TP63: variants seen among roughly 807,000 people sequenced by gnomAD.
TP63 encodes the protein tumor protein 63.
Under a neutral mutation model 82.8 loss-of-function variants are expected in TP63, and 17 were observed. The ratio of observed to expected loss-of-function variants is 0.21; its 90% CI spans 0.14 to 0.31. The LOEUF is 0.31. Ranked by LOEUF, TP63 falls within the 10% of genes least tolerant of loss-of-function variation. The pLI, the probability that TP63 is intolerant of heterozygous loss-of-function variation, is 1.00. For missense variants in TP63, 648 were observed against 895.3 expected (o/e 0.72, Z 3.52); for synonymous variants, 330 against 321.7 (o/e 1.03, Z -0.28).
intron 4 of TP63, among the ~76,000 whole-genome samples, chr3:189,822,362 C>T (rs1728882850): frequency 1.3e-5 from 2 of 152,094 alleles, no homozygotes; most frequent in Admixed American, 1.3e-4. Flanking sequence ...AAAACTTTTA[C>T]CCCAATTAAG....
intron 3 of TP63, among the ~76,000 whole-genome samples, chr3:189,774,967 C>T (rs1402172734): frequency 6.6e-6 from 1 of 152,084 alleles, no homozygotes; most frequent in Non-Finnish European, 1.5e-5. Flanking sequence ...CCTGTAATCC[C>T]AGCACTTTGG....
intron 3 of TP63, among the ~76,000 whole-genome samples, chr3:189,778,970 G>C (rs1045728988): frequency 6.6e-6 from 1 of 152,106 alleles, no homozygotes; most frequent in Non-Finnish European, 1.5e-5. Context: ...GCTGAAGCCA[G>C]CTTTCCCATA....
intron 1 of TP63, among the ~76,000 whole-genome samples, chr3:189,665,295 T>A (rs1474608086): frequency 6.6e-6 from 1 of 152,138 alleles, no homozygotes; most frequent in Admixed American, 6.6e-5. Flanking sequence ...ATCCAGTTGT[T>A]AAACATGTGT....
At chr3:189,809,500 A>G (rs1217008063) in intron 4 of TP63, among the ~76,000 whole-genome samples, 1 of 150,046 alleles carries the variant, frequency 6.7e-6, no homozygotes, top group African/African-American at 2.5e-5. Context: ...CCAAAGTGGT[A>G]TGTTTGTCAA....
chr3:189,679,845 A>G (rs1012065835), intron 1 of TP63, among the ~76,000 whole-genome samples: 10 of 152,238 alleles, frequency 6.6e-5, no homozygotes, highest in South Asian at 2.1e-4. Context: ...TGGATATTCA[A>G]TTTTTTTCAA....
intron 1 of TP63, among the ~76,000 whole-genome samples, chr3:189,690,720 T>C (rs1716848930): frequency 6.6e-6 from 1 of 152,216 alleles, no homozygotes; most frequent in Non-Finnish European, 1.5e-5. Context: ...GCTGTTTTGT[T>C]CCTCATTCAA....
intron 1 of TP63, among the ~76,000 whole-genome samples, chr3:189,691,353 A>AG (rs982012515): frequency 2.7e-5 from 4 of 147,120 alleles, no homozygotes; most frequent in Non-Finnish European, 5.9e-5. Flanking sequence ...AAAAAAAAAA[A>AG]AAAAAAAGAA....
chr3:189,697,697 C>T (rs180733709), intron 1 of TP63, among the ~76,000 whole-genome samples: 164 of 152,094 alleles, frequency 1.1e-3, no homozygotes, highest in Non-Finnish European at 1.7e-3. Context: ...CAAAACATAT[C>T]TCTATTTATT....
intron 1 of TP63, among the ~76,000 whole-genome samples, chr3:189,710,854 G>A (rs1718542832): frequency 6.6e-6 from 1 of 152,096 alleles, no homozygotes. Context: ...AAATAGTGAT[G>A]TCTACAAATC....
At chr3:189,890,204 C>T (rs1320439487) in intron 12 of TP63, among the ~76,000 whole-genome samples, 2 of 152,148 alleles carry the variant, frequency 1.3e-5, no homozygotes, top group African/African-American at 2.4e-5. Flanking sequence ...ACAGGGATGG[C>T]AAAGTGCGTG....
At chr3:189,759,062 G>T (rs1722384670) in intron 3 of TP63, among the ~76,000 whole-genome samples, 1 of 152,198 alleles carries the variant, frequency 6.6e-6, no homozygotes, top group Admixed American at 6.5e-5. Context: ...CTTTGCAGTT[G>T]AGCACACCAA....
chr3:189,729,921 T>C (rs1316196358), intron 1 of TP63, among the ~76,000 whole-genome samples: 2 of 152,166 alleles, frequency 1.3e-5, no homozygotes, highest in African/African-American at 4.8e-5. Flanking sequence ...AAACTAAGTA[T>C]GATGATTAAT....
chr3:189,832,123 C>T (rs967847305), intron 4 of TP63, among the ~76,000 whole-genome samples: 4 of 152,086 alleles, frequency 2.6e-5, no homozygotes, highest in Non-Finnish European at 5.9e-5. Context: ...ATCCACCACG[C>T]CCAGCACTAT....
Position 189,896,257 on chromosome 3 carries a change from G to C in TP63, c.*1755G>C, listed in dbSNP as rs185247541. On this transcript the variant is annotated 3_prime_UTR_variant, in exon 14 of 14. Coordinates refer to ENST00000264731, the MANE Select transcript of TP63 (RefSeq NM_003722.5). ...CCTCTGAAAAGTGTGTATATATTTT[G>C]TGTGAAATTGCATACTTTGTATTTT... 1.8e-5 allele frequency: 4 copies of C among 218,964 alleles called. No individual in the cohort carries two copies. The East Asian group carries it at 2.7e-4, about 15-fold the overall frequency. The allele number at this position is 218,964 out of a possible 1,614,324, so 13.6% of individuals were successfully genotyped here. A position where few individuals can be genotyped will look rare whatever the true frequency, so the allele number is the denominator to read the frequency against.
intron 1 of TP63, among the ~76,000 whole-genome samples, chr3:189,645,742 G>A (rs1019517030): frequency 2.1e-5 from 3 of 146,272 alleles, no homozygotes; most frequent in Admixed American, 6.7e-5. Flanking sequence ...ACCTATGAGT[G>A]AGAACATGCA....
intron 13 of TP63, among the ~76,000 whole-genome samples, chr3:189,891,129 C>T (rs1428714897): frequency 6.6e-6 from 1 of 152,162 alleles, no homozygotes; most frequent in African/African-American, 2.4e-5. Flanking sequence ...TGCACTTACA[C>T]TATTCTCAAG....
intron 4 of TP63, among the ~76,000 whole-genome samples, chr3:189,848,809 G>A (rs527910835): frequency 4.6e-5 from 7 of 152,252 alleles, no homozygotes; most frequent in South Asian, 2.1e-4. Context: ...CATGAAATAC[G>A]TATTTGGACT....
chr3:189,838,024 A>G (rs534557108), intron 4 of TP63, among the ~76,000 whole-genome samples: 2 of 152,214 alleles, frequency 1.3e-5, no homozygotes, highest in East Asian at 3.9e-4. Context: ...TCAATCACCA[A>G]CTCTCTAAGC....
chr3:189,617,741 G>A, the TP63 span, among the ~76,000 whole-genome samples: 1 of 152,088 alleles, frequency 6.6e-6, no homozygotes, highest in Non-Finnish European at 1.5e-5. Flanking sequence ...GTTTCCACTT[G>A]ACCTTTCTGA....
Sources: gnomAD v4.1 joint callset for allele counts (sites outside exome capture counted in the v4.1 genomes callset) on GRCh38, gnomAD v4.1.1 for gene constraint, MANE v1.5 for transcripts, NCBI Gene and HGNC (gene_info 2026-07-23, HGNC 2026-07-21) for gene names.